The following RORA variants were observed in gnomAD, a reference collection of about 807,000 sequenced individuals.
RORA encodes the protein nuclear receptor ROR-alpha.
Under a neutral mutation model 69.5 loss-of-function variants are expected in RORA, and 7 were observed. The ratio of observed to expected loss-of-function variants is 0.10; its 90% CI spans 0.06 to 0.19. The LOEUF (loss-of-function observed/expected upper bound fraction) is 0.19. Among genes scored for constraint, RORA ranks in the 10% least tolerant of loss-of-function variants. RORA has a pLI of 1.00. For synonymous variants in RORA, 261 were observed against 240.8 expected (o/e 1.08, Z -0.78); for missense variants, 457 against 663.0 (o/e 0.69, Z 3.41).
chr15:60,912,794 C>CAA (rs11451989), intron 1 of RORA, among the ~76,000 whole-genome samples: 13 of 151,536 alleles, frequency 8.6e-5, no homozygotes, highest in South Asian at 4.2e-4. Flanking sequence ...CAAAACACAA[C>CAA]AAAAAAAATC....
chr15:60,651,947 G>C (rs900544273), intron 2 of RORA, among the ~76,000 whole-genome samples: 1 of 152,194 alleles, frequency 6.6e-6, no homozygotes, highest in Non-Finnish European at 1.5e-5. Flanking sequence ...GCTACACTGA[G>C]ATAACCACAG....
At chr15:61,121,902 G>A (rs1566999288) in intron 1 of RORA, among the ~76,000 whole-genome samples, 1 of 150,832 alleles carries the variant, frequency 6.6e-6, no homozygotes, top group Non-Finnish European at 1.5e-5. Flanking sequence ...TATACATACT[G>A]CAGGTTATGA....
chr15:60,531,029 A>G lies in RORA; in HGVS notation c.282+737T>C, dbSNP rs766487748. ...ATTGGGATAAACATCTCTGTTTCTC[A>G]TCTGCACATTATGCATGTGCTGTAC... On this transcript the variant is annotated intron_variant, in intron 3 of 10. Coordinates refer to ENST00000335670, the MANE Select transcript of RORA (RefSeq NM_134261.3). The surrounding 1 kb of genome is among the most constrained non-coding windows in gnomAD (Gnocchi z 4.8). 1.3e-5 allele frequency: 2 copies of G among 152,252 alleles called. No individual in the cohort carries two copies. The highest frequency in any genetic ancestry group is 4.8e-5 in the African/African-American group (2 of 41,466). 9.4% of individuals were successfully genotyped at this position (152,252 alleles called of 1,614,324 possible).
chr15:60,735,021 T>C (rs1236864690), intron 1 of RORA, among the ~76,000 whole-genome samples: 1 of 152,240 alleles, frequency 6.6e-6, no homozygotes, highest in Non-Finnish European at 1.5e-5. Context: ...GTGTGCACCT[T>C]AGCCATGCAG....
rs539876912 is a variant in RORA at position 61,162,290 on chromosome 15, A to G, written c.166+66763T>C. Among the ~76,000 whole-genome samples the G allele has an allele frequency of 2.6e-5, 4 of 152,350 alleles. No homozygotes were observed. In the South Asian group the frequency reaches 8.3e-4, roughly 32 times the overall value. ...ACAGAAAGATGTGTCTGGTAACCACATGATCTGGTCCTCGGTCCTGGGTCA... is the reference window on the plus strand; with the variant it reads ...ACAGAAAGATGTGTCTGGTAACCACGTGATCTGGTCCTCGGTCCTGGGTCA... On this transcript the variant is annotated intron_variant, in intron 1 of 10. Transcript: ENST00000335670.
intron 1 of RORA, among the ~76,000 whole-genome samples, chr15:60,835,779 T>C (rs574797004): frequency 5.0e-4 from 76 of 152,360 alleles, no homozygotes; most frequent in South Asian, 1.4e-3. Flanking sequence ...TGCTTTGGTT[T>C]ACTATTCTGA....
At chr15:60,959,619 T>C (rs1893360156) in intron 1 of RORA, among the ~76,000 whole-genome samples, 1 of 152,156 alleles carries the variant, frequency 6.6e-6, no homozygotes, top group Non-Finnish European at 1.5e-5. Flanking sequence ...AATGGGAGCA[T>C]ATTAAAGAGC....
At chr15:60,666,562 T>C (rs977896614) in intron 2 of RORA, among the ~76,000 whole-genome samples, 1 of 152,074 alleles carries the variant, frequency 6.6e-6, no homozygotes, top group Non-Finnish European at 1.5e-5. Flanking sequence ...TACTGTCACC[T>C]TAAGAATGTA....
chr15:60,986,507 C>A (rs974666514), intron 1 of RORA, among the ~76,000 whole-genome samples: 1 of 152,146 alleles, frequency 6.6e-6, no homozygotes, highest in Admixed American at 6.5e-5. Context: ...AGTGATCATA[C>A]CAAGTTAGAC....
chr15:60,837,893 C>A (rs953496423), intron 1 of RORA, among the ~76,000 whole-genome samples: 1 of 152,156 alleles, frequency 6.6e-6, no homozygotes, highest in South Asian at 2.1e-4. Flanking sequence ...GAAGGTACAG[C>A]CTGAAGGACA....
chr15:60,882,206 T>C (rs886772631), intron 1 of RORA, among the ~76,000 whole-genome samples: 1 of 152,204 alleles, frequency 6.6e-6, no homozygotes, highest in Non-Finnish European at 1.5e-5. Context: ...CACGGAATTA[T>C]AGTATTTTTC....
At chr15:60,745,554 C>T (rs139606618) in intron 1 of RORA, among the ~76,000 whole-genome samples, 31 of 152,240 alleles carry the variant, frequency 2.0e-4, no homozygotes, top group African/African-American at 4.3e-4. Context: ...TCCTTGGCCT[C>T]GGCATGGCCA....
Position 60,928,663 on chromosome 15 carries a change from G to T in RORA, c.167-249977C>A, listed in dbSNP as rs2140497437. On this transcript the variant is annotated intron_variant, in intron 1 of 10. Coordinates refer to ENST00000335670, the MANE Select transcript of RORA (RefSeq NM_134261.3). ...CCAATTCGACTCCCTCATTTCACAA[G>T]GAAGGCATCTGAAGCTCAGAGAGAC... Among the ~76,000 whole-genome samples the T allele has an allele frequency of 2.6e-5, 4 of 152,322 alleles. No homozygotes were observed. In the Middle Eastern group the frequency reaches 0.01, roughly 389 times the overall value.
chr15:61,228,981 C>T (rs1048460562), intron 1 of RORA, 72 bp downstream of exon 1: 4 of 841,088 alleles, frequency 4.8e-6, no homozygotes, highest in Non-Finnish European at 5.8e-6. Flanking sequence ...CCCGGGCGCC[C>T]GCTCCCGGCC....
intron 1 of RORA, among the ~76,000 whole-genome samples, chr15:61,019,694 C>T (rs1028025186): frequency 1.3e-5 from 2 of 152,198 alleles, no homozygotes; most frequent in African/African-American, 4.8e-5. Flanking sequence ...AAGTCTCTCA[C>T]ATCTGTACTT....
intron 1 of RORA, among the ~76,000 whole-genome samples, chr15:60,897,102 G>A (rs1207050795): frequency 6.6e-6 from 1 of 152,078 alleles, no homozygotes; most frequent in East Asian, 1.9e-4. Flanking sequence ...GGGCGGTAGT[G>A]GGACCAAGGA....
chr15:60,869,656 C>T (rs2073531088), intron 1 of RORA, among the ~76,000 whole-genome samples: 1 of 152,150 alleles, frequency 6.6e-6, no homozygotes, highest in Non-Finnish European at 1.5e-5. Flanking sequence ...TAAATTTGCC[C>T]CAGCTGCTCT....
At chr15:60,757,436 T>G (rs895139483) in intron 1 of RORA, among the ~76,000 whole-genome samples, 15 of 152,180 alleles carry the variant, frequency 9.9e-5, no homozygotes, top group African/African-American at 3.6e-4. Context: ...GCAAAGAGTA[T>G]TTTTCTGCCA....
chr15:61,119,451 T>C (rs12907767), intron 1 of RORA, among the ~76,000 whole-genome samples: 2 of 150,758 alleles, frequency 1.3e-5, no homozygotes, highest in Non-Finnish European at 3.0e-5. Flanking sequence ...AATATATATA[T>C]ACACACAAAT....
Sources: gnomAD v4.1 joint callset for allele counts (sites outside exome capture counted in the v4.1 genomes callset) on GRCh38, gnomAD v4.1.1 for gene constraint, Gnocchi (gnomAD v3.1) non-coding constraint, MANE v1.5 for transcripts, NCBI Gene and HGNC (gene_info 2026-07-23, HGNC 2026-07-21) for gene names.